SEMA3A: variants seen among roughly 807,000 people sequenced by gnomAD.
The protein encoded by SEMA3A is semaphorin 3A.
In SEMA3A, 29 loss-of-function variants were observed where a neutral mutation model predicts 97.9. That is an observed-to-expected ratio of 0.30 (90% CI 0.22 to 0.40). The LOEUF is 0.40. Ranked by LOEUF, SEMA3A falls within the 10% of genes least tolerant of loss-of-function variation. The pLI is 1.00. For missense variants in SEMA3A, 763 were observed against 951.3 expected, an observed-to-expected ratio of 0.80 and a Z score of 2.60; for synonymous variants, 321 against 323.7, an observed-to-expected ratio of 0.99 and a Z score of 0.09.
chr7:84,191,752 TAC>T (rs1000656010), intron 1 of SEMA3A, among the ~76,000 whole-genome samples: 7 of 151,864 alleles, frequency 4.6e-5, no homozygotes, highest in Non-Finnish European at 7.4e-5. Flanking sequence ...TGCTGAGATT[TAC>T]AGAGTTCTCA....
At chr7:84,198,384 G>A (rs540172766), upstream of SEMA3A, among the ~76,000 whole-genome samples, 1 of 151,752 alleles carries the variant, frequency 6.6e-6, no homozygotes, top group African/African-American at 2.4e-5. Flanking sequence ...GTAGAGACAG[G>A]GTTTCACCAT....
intron 4 of SEMA3A, among the ~76,000 whole-genome samples, chr7:84,107,960 G>A (rs1355556764): frequency 6.6e-6 from 1 of 151,978 alleles, no homozygotes. Flanking sequence ...ATTTAAGAGG[G>A]CAAAGTGACA....
intron 3 of SEMA3A, among the ~76,000 whole-genome samples, chr7:84,200,832 C>T (rs1212608679): frequency 3.4e-5 from 5 of 146,670 alleles, no homozygotes; most frequent in Admixed American, 2.1e-4. Context: ...GTCTCCACCT[C>T]AACTCAAATG....
At chr7:84,489,226 G>A (rs1460587561) in intron 1 of SEMA3A, 1 of 152,072 alleles carries the variant, frequency 6.6e-6, no homozygotes, top group Non-Finnish European at 1.5e-5. Flanking sequence ...CAGATCTCGT[G>A]AGAACTCATT....
intron 1 of SEMA3A, among the ~76,000 whole-genome samples, chr7:84,169,722 C>T (rs2116198375): frequency 6.6e-6 from 1 of 151,420 alleles, no homozygotes; most frequent in East Asian, 1.9e-4. Context: ...AAGAATGATG[C>T]CTTGTTTGGA....
intron 3 of SEMA3A, among the ~76,000 whole-genome samples, chr7:84,244,607 C>T (rs919001809): frequency 6.6e-5 from 10 of 152,016 alleles, no homozygotes; most frequent in African/African-American, 7.2e-5. Flanking sequence ...AATATTGTTA[C>T]GTGTGAATTT....
intron 1 of SEMA3A, among the ~76,000 whole-genome samples, chr7:84,398,605 C>T (rs541621935): frequency 5.5e-4 from 83 of 151,430 alleles, no homozygotes; most frequent in African/African-American, 1.9e-3. Context: ...AATTTTTTTT[C>T]TTTTTTTTGC....
intron 2 of SEMA3A, among the ~76,000 whole-genome samples, chr7:84,321,637 G>A (rs1801646067): frequency 6.6e-6 from 1 of 151,902 alleles, no homozygotes; most frequent in South Asian, 2.1e-4. Context: ...AGCACTTTGG[G>A]AGGCCAAAGC....
chr7:84,303,181 C>A (rs772994975), intron 3 of SEMA3A, among the ~76,000 whole-genome samples: 1 of 152,054 alleles, frequency 6.6e-6, no homozygotes, highest in Non-Finnish European at 1.5e-5. Context: ...GATTCTCTTT[C>A]GGGGCAAAAC....
At position 84,179,094 on chromosome 7, in the gene SEMA3A, C is replaced by T. The variant is rs796622463; in HGVS notation, c.112+15381G>A. 2.0e-5 allele frequency among the ~76,000 whole-genome samples: 3 copies of T among 152,250 alleles called. No individual in the cohort carries two copies. In the South Asian group the frequency reaches 6.2e-4, roughly 32 times the overall value. On this transcript the variant is annotated intron_variant, in intron 1 of 16. Transcript: ENST00000265362. ...TTTATTGGTATATATCACACATTTT[C>T]CCCATAAAGTGTGTTTTGACATACT...
chr7:83,962,624 G>C (rs1788516426), intron 16 of SEMA3A, among the ~76,000 whole-genome samples: 1 of 152,064 alleles, frequency 6.6e-6, no homozygotes, highest in African/African-American at 2.4e-5. Flanking sequence ...AAGGCTCGTA[G>C]TGCTCACTAA....
chr7:84,443,880 C>CTTTTTTTTTTTT (rs71078831), intron 1 of SEMA3A, among the ~76,000 whole-genome samples: 1 of 92,400 alleles, frequency 1.1e-5, no homozygotes, highest in Non-Finnish European at 2.1e-5. Flanking sequence ...GTGCTTTGTC[C>CTTTTTTTTTTTT]TTTTTTTTTT....
intron 4 of SEMA3A, among the ~76,000 whole-genome samples, chr7:84,094,535 A>T (rs1794695262): frequency 6.6e-6 from 1 of 152,132 alleles, no homozygotes. Context: ...GGGTGTTCTT[A>T]TGAAAGAATG....
chr7:84,428,381 G>A (rs900541676), intron 1 of SEMA3A, among the ~76,000 whole-genome samples: 10 of 151,598 alleles, frequency 6.6e-5, no homozygotes, highest in Non-Finnish European at 1.3e-4. Context: ...ATTTTATATC[G>A]CTAATAAAGT....
rs1167375303 is a variant in SEMA3A, at chr7:84,007,476, G to A, written c.1017C>T (p.Ala339=). The change falls in exon 10 of 17, where the codon GCC becomes GCT. Residue 339 remains alanine, a synonymous_variant. Coordinates refer to ENST00000265362, the MANE Select transcript of SEMA3A (RefSeq NM_006080.3). ...TTSSNIFKGS[A]VCMYSMSDVR... ...CATCACTCATGCTATACATACACAC[G>A]GCTGATCCCTTGAAAATGTTACTGA... 8.9e-6 allele frequency: 14 copies of A among 1,578,878 alleles called. No homozygotes were observed. The highest frequency in any genetic ancestry group is 1.2e-5 in the South Asian group (1 of 85,240).
At chr7:84,160,159 C>T (rs1023104713) in intron 1 of SEMA3A, among the ~76,000 whole-genome samples, 16 of 151,732 alleles carry the variant, frequency 1.1e-4, no homozygotes, top group Admixed American at 2.0e-4. Flanking sequence ...AGAATTGCAC[C>T]AAATATTGGT....
At chr7:83,988,920 C>T (rs1789758524) in intron 12 of SEMA3A, among the ~76,000 whole-genome samples, 4 of 144,032 alleles carry the variant, frequency 2.8e-5, no homozygotes, top group Middle Eastern at 3.5e-3. Context: ...TGCAGTGGTG[C>T]GATCTCGGCT....
intron 2 of SEMA3A, among the ~76,000 whole-genome samples, chr7:84,318,091 CT>C (rs60482844): frequency 0.02 from 2,988 of 151,892 alleles, 44 homozygotes; most frequent in Non-Finnish European, 0.033. Flanking sequence ...TACAATATTG[CT>C]CTTTTTTAAC....
chr7:84,456,785 A>G (rs1230886560), intron 1 of SEMA3A, among the ~76,000 whole-genome samples: 1 of 151,848 alleles, frequency 6.6e-6, no homozygotes, highest in Non-Finnish European at 1.5e-5. Context: ...GTAGGGGTAC[A>G]CAAACAAACA....
Sources: allele counts gnomAD v4.1 joint callset (sites outside exome capture counted in the v4.1 genomes callset), GRCh38; gene constraint gnomAD v4.1.1; transcripts MANE v1.5; gene names NCBI Gene and HGNC (gene_info 2026-07-23, HGNC 2026-07-21).